Variants in GAB4 observed in about 807,000 individuals in gnomAD.
The protein encoded by GAB4 is GRB2 associated binding protein family member 4.
GAB4 carries 26 observed loss-of-function variants against 51.3 expected under a neutral mutation model. The observed-to-expected ratio is 0.51, with a 90% CI of 0.37 to 0.70. The LOEUF (loss-of-function observed/expected upper bound fraction) is 0.70, where lower values mean the gene tolerates loss of function less well. Ranked by LOEUF, GAB4 falls within the 30% of genes least tolerant of loss-of-function variation. The probability of loss-of-function intolerance (pLI) is 0.00; values close to 1 mark genes in which losing one functional copy is unlikely to be tolerated. For missense variants in GAB4, 759 were observed against 734.6 expected (o/e 1.03, Z -0.38); for synonymous variants, 329 against 291.2 (o/e 1.13, Z -1.32).
chr22:16,990,651 G>A (rs1163991188), intron 2 of GAB4, among the ~76,000 whole-genome samples: 1 of 152,194 alleles, frequency 6.6e-6, no homozygotes, highest in Non-Finnish European at 1.5e-5. Context: ...GGGCAGTAGA[G>A]TCCTATCCAT....
At chr22:16,996,078 T>C (rs2060946950) in intron 1 of GAB4, among the ~76,000 whole-genome samples, 1 of 151,946 alleles carries the variant, frequency 6.6e-6, no homozygotes, top group Admixed American at 6.6e-5. Flanking sequence ...TTACAGGAAC[T>C]GCTAACTAGG....
chr22:16,987,618 G>A (rs1297487215), intron 3 of GAB4, among the ~76,000 whole-genome samples: 2 of 152,236 alleles, frequency 1.3e-5, no homozygotes, highest in East Asian at 3.8e-4. Flanking sequence ...TTTCATAGCT[G>A]TCCTCTTAAG....
Position 16,962,509 on chromosome 22 carries a change from G to C in GAB4, c.*224C>G. 2.5e-6 allele frequency: 1 copy of C among 400,914 alleles called. No homozygotes were observed. The highest frequency in any genetic ancestry group is 4.4e-6 in the Non-Finnish European group (1 of 225,358). 24.8% of individuals were successfully genotyped at this position (400,914 alleles called of 1,614,324 possible). The stretch of plus-strand genomic sequence containing the variant: ...GGAGCCCGGGTCTGAGGGGCAGGAA[G>C]AGACTGAGGATGCTTGCTGGCAACT... On this transcript the variant is annotated 3_prime_UTR_variant, in exon 10 of 10. Transcript: ENST00000400588.
chr22:16,974,776 A>G (rs111906807), intron 3 of GAB4, among the ~76,000 whole-genome samples: 3,358 of 152,326 alleles, frequency 0.022, 58 homozygotes, highest in Middle Eastern at 0.068. Context: ...ATCAACGCAG[A>G]AGGTGGGTGA....
intron 3 of GAB4, among the ~76,000 whole-genome samples, chr22:16,979,142 C>T (rs984093172): frequency 2.6e-5 from 4 of 152,176 alleles, no homozygotes; most frequent in African/African-American, 9.7e-5. Context: ...TGCCCTCTCA[C>T]CACTCCTATT....
At chr22:16,966,394 C>T (rs754205320) in intron 5 of GAB4, 30 bp from the exon 6 acceptor site, 2 of 1,592,742 alleles carry the variant, frequency 1.3e-6, no homozygotes, top group African/African-American at 1.3e-5. Flanking sequence ...AGAAACACAG[C>T]TATCACCAGC....
At chr22:16,996,699 A>G (rs57129060) in intron 1 of GAB4, among the ~76,000 whole-genome samples, 47,053 of 151,920 alleles carry the variant, frequency 0.31, 8,144 homozygotes, top group African/African-American at 0.45. Context: ...TCTATGGTAC[A>G]TGCGCAAAAC....
rs2060657936 is a variant in GAB4, at chr22:16,964,777, A to T, written c.1465T>A (p.Tyr489Asn). 6.2e-7 allele frequency: 1 copy of T among 1,612,130 alleles called. No homozygotes were observed. The highest frequency in any genetic ancestry group is 1.1e-5 in the South Asian group (1 of 91,030). ...CCCCAAGGACTCACCGGGAAAAGAT[A>T]CCTCTCTCCACTGTCTTCTGAGTCT... Reference protein sequence around the residue: ...NTDSEDSGERYLFPNPASAFP... With the variant: ...NTDSEDSGERNLFPNPASAFP... The change falls in exon 8 of 10, where the codon TAT (tyrosine) becomes AAT (asparagine). Residue 489 changes from tyrosine (Y) to asparagine (N), a missense_variant. Tyr to Asn is a moderately radical substitution (Grantham distance 143). This residue lies in a region of GAB4 where 588 missense variants were observed against 510.2 expected (regional missense o/e 1.15). Coordinates refer to ENST00000400588, the MANE Select transcript of GAB4 (RefSeq NM_001037814.1).
intron 1 of GAB4, among the ~76,000 whole-genome samples, chr22:16,997,382 C>T (rs1163318482): frequency 6.6e-6 from 1 of 152,206 alleles, no homozygotes; most frequent in Non-Finnish European, 1.5e-5. Flanking sequence ...ATTTGCATTT[C>T]TCTGATGGCC....
chr22:16,994,060 G>GA (rs878887551), intron 1 of GAB4, among the ~76,000 whole-genome samples: 27 of 149,532 alleles, frequency 1.8e-4, no homozygotes, highest in African/African-American at 2.7e-4. Flanking sequence ...TCCCATCTTA[G>GA]AAAAAAAAAA....
intron 1 of GAB4, among the ~76,000 whole-genome samples, chr22:16,998,186 T>G (rs1345151697): frequency 1.3e-5 from 2 of 152,206 alleles, no homozygotes; most frequent in Non-Finnish European, 2.9e-5. Flanking sequence ...GTGAAGAAAG[T>G]CATTGGTAGC....
chr22:16,973,543 A>G (rs566456153), intron 3 of GAB4, among the ~76,000 whole-genome samples: 1 of 152,036 alleles, frequency 6.6e-6, no homozygotes, highest in African/African-American at 2.4e-5. Flanking sequence ...CATGGTCTAA[A>G]CCCCATCCCT....
Position 16,966,131 on chromosome 22 carries a change from AG to A in GAB4, c.1256del (p.Pro419LeufsTer19), listed in dbSNP as rs1157430434. 6.2e-6 allele frequency: 10 copies of A among 1,613,884 alleles called. No homozygotes were observed. The highest frequency in any genetic ancestry group is 8.5e-6 in the Non-Finnish European group (10 of 1,179,940). On this transcript the variant is annotated frameshift_variant, in exon 6 of 10. Transcript: ENST00000400588. LOFTEE classifies it high-confidence loss of function. ...GGTTAGGCTTGAGGCTGCGGTTGAC[AG>A]GGGGCAGCTGGACCTCATGTCCCTG... ...LSQGHEVQLP[P>X]VNRSLKPNQK...
intron 1 of GAB4, among the ~76,000 whole-genome samples, chr22:16,999,653 TG>T (rs1429802633): frequency 6.6e-6 from 1 of 152,268 alleles, no homozygotes; most frequent in African/African-American, 2.4e-5. Flanking sequence ...AGTTCTGCTC[TG>T]ATCTTAGTCA....
intron 1 of GAB4, among the ~76,000 whole-genome samples, chr22:17,005,301 G>A (rs1194144295): frequency 1.3e-5 from 2 of 152,124 alleles, no homozygotes; most frequent in East Asian, 3.8e-4. Flanking sequence ...CAAGAGATGT[G>A]AAGGACTTCT....
In GAB4 at chr22:16,962,835, A is replaced by G. The variant is rs199986323; in HGVS notation, c.1623T>C (p.Tyr541=). 25 of 1,613,558 alleles carry G rather than the reference A, an allele frequency of 1.5e-5. No homozygotes were observed. The highest frequency in any genetic ancestry group is 1.7e-4 in the Middle Eastern group (1 of 6,060). ...GGGTCTTCTCCAGATCCACCTGGAC[A>G]TAGTCCACCTTCTTGCCGGACGTGA... The part of the protein sequence containing the change: ...GSVTSGKKVD[Y]VQVDLEKTQA... The change falls in exon 10 of 10, where the codon TAT becomes TAC. Residue 541 remains tyrosine, a synonymous_variant. Coordinates refer to ENST00000400588, the MANE Select transcript of GAB4 (RefSeq NM_001037814.1).
rs558247977 is a variant in GAB4, at chr22:17,007,926, C to A, written c.174+15G>T. 9 of 1,467,892 alleles carry A rather than the reference C, an allele frequency of 6.1e-6. No homozygotes were observed. The East Asian group carries it at 7.4e-5, about 12-fold the overall frequency. 90.9% of individuals were successfully genotyped at this position (1,467,892 alleles called of 1,614,324 possible). A position where few individuals can be genotyped will look rare whatever the true frequency, so the allele number is the denominator to read the frequency against. On this transcript the variant is annotated intron_variant, in intron 1 of 9. Coordinates refer to ENST00000400588, the MANE Select transcript of GAB4 (RefSeq NM_001037814.1). Reference sequence around the variant, plus strand: ...TCCGTGGCGCTCCTGGTACCGCCCCCACTGCCCCACTCACAAAGAGCCTCA... The same window carrying A: ...TCCGTGGCGCTCCTGGTACCGCCCCAACTGCCCCACTCACAAAGAGCCTCA...
At chr22:16,977,992 A>AGACAG (rs1555909590) in intron 3 of GAB4, among the ~76,000 whole-genome samples, 1 of 151,574 alleles carries the variant, frequency 6.6e-6, no homozygotes, top group Non-Finnish European at 1.5e-5. Context: ...ATGAGAACAA[A>AGACAG]GACACAATGT....
At chr22:16,987,776 C>T (rs1437883968) in intron 3 of GAB4, among the ~76,000 whole-genome samples, 184 bp downstream of exon 3, 1 of 152,030 alleles carries the variant, frequency 6.6e-6, no homozygotes, top group Non-Finnish European at 1.5e-5. Context: ...TGTAGCAACA[C>T]AAATAAAACA....
Sources: allele counts gnomAD v4.1 joint callset (sites outside exome capture counted in the v4.1 genomes callset), GRCh38; gene constraint gnomAD v4.1.1; regional missense constraint gnomAD v4.1.1; transcripts MANE v1.5; gene names NCBI Gene and HGNC (gene_info 2026-07-23, HGNC 2026-07-21).